The following ABHD18 variants were observed in gnomAD, a reference collection of about 807,000 sequenced individuals.
ABHD18 encodes the protein abhydrolase domain containing 18.
Under a neutral mutation model 65.9 loss-of-function variants are expected in ABHD18, and 55 were observed. The observed-to-expected ratio is 0.84, with a 90% CI of 0.67 to 1.05. The LOEUF (loss-of-function observed/expected upper bound fraction) is 1.05. Among genes scored for constraint, ABHD18 ranks in the 50% least tolerant of loss-of-function variants. The pLI, the probability that ABHD18 is intolerant of heterozygous loss-of-function variation, is 0.00. For missense variants in ABHD18, 533 were observed against 558.5 expected (o/e 0.95, Z 0.46); for synonymous variants, 181 against 180.2 (o/e 1.00, Z -0.04).
intron 1 of ABHD18, among the ~76,000 whole-genome samples, chr4:127,968,726 T>C (rs965270705): frequency 6.6e-6 from 1 of 152,230 alleles, no homozygotes; most frequent in African/African-American, 2.4e-5. Flanking sequence ...TAGCTTGATA[T>C]ATACTTCAAA....
At chr4:128,020,895 G>A (rs529230748) in intron 9 of ABHD18, among the ~76,000 whole-genome samples, 32 of 152,202 alleles carry the variant, frequency 2.1e-4, no homozygotes, top group East Asian at 1.7e-3. Context: ...TTAGCTGGGC[G>A]TGGTGGCACA....
intron 1 of ABHD18, among the ~76,000 whole-genome samples, chr4:127,978,640 A>G (rs1365979163): frequency 1.3e-5 from 2 of 152,218 alleles, no homozygotes; most frequent in Non-Finnish European, 2.9e-5. Context: ...TAAATTGCAT[A>G]CCAATTATTT....
intron 7 of ABHD18, 100 bp from the exon 8 acceptor site, chr4:128,017,263 T>C: frequency 5.3e-6 from 6 of 1,135,312 alleles, no homozygotes; most frequent in Admixed American, 2.3e-5. Context: ...TCTGGTCCTT[T>C]AGAAGAGATG....
chr4:128,030,268 C>T (rs561302466), intron 11 of ABHD18, among the ~76,000 whole-genome samples: 3 of 152,306 alleles, frequency 2.0e-5, no homozygotes, highest in South Asian at 2.1e-4. Flanking sequence ...TAAATATATA[C>T]ACCTACTGTG....
chr4:128,034,605 A>G (rs1758662440), intron 12 of ABHD18, among the ~76,000 whole-genome samples: 1 of 152,082 alleles, frequency 6.6e-6, no homozygotes, highest in Non-Finnish European at 1.5e-5. Flanking sequence ...AAAAAAGAAA[A>G]GAAAAAATAT....
intron 3 of ABHD18, among the ~76,000 whole-genome samples, chr4:127,987,402 ACTTATT>A (rs1229356361): frequency 6.6e-6 from 1 of 151,376 alleles, no homozygotes; most frequent in Non-Finnish European, 1.5e-5. Flanking sequence ...TTATCAAATA[ACTTATT>A]CTTATAAAAT....
At chr4:128,025,457 A>G (rs1213587808) in intron 10 of ABHD18, among the ~76,000 whole-genome samples, 1 of 152,134 alleles carries the variant, frequency 6.6e-6, no homozygotes. Context: ...TTTTTTATGG[A>G]CTATACAAAG....
intron 6 of ABHD18, among the ~76,000 whole-genome samples, chr4:128,011,283 A>G (rs1442699714): frequency 6.6e-6 from 1 of 151,570 alleles, no homozygotes; most frequent in Non-Finnish European, 1.5e-5. Context: ...CGCGTAGCTG[A>G]CACTACAGGC....
In ABHD18 at chr4:128,039,842, C is replaced by T. The variant is rs946047991; in HGVS notation, c.*4029C>T. ...TTATTATGCCCTAAACAAGGTAAGA[C>T]AGAAATAAGCAAGGGAGGCTCTAGC... On this transcript the variant is annotated 3_prime_UTR_variant, in exon 13 of 13. Coordinates refer to ENST00000645843, the MANE Select transcript of ABHD18 (RefSeq NM_001358451.3). 9.9e-5 allele frequency: 15 copies of T among 151,936 alleles called. No homozygotes were observed. Among genetic ancestry groups the T allele is most frequent in the Admixed American group, 9.8e-4 (15 of 15,234 alleles). 9.4% of individuals were successfully genotyped at this position (151,936 alleles called of 1,614,324 possible).
intron 7 of ABHD18, among the ~76,000 whole-genome samples, chr4:128,015,703 C>T (rs1333510975): frequency 6.6e-6 from 1 of 152,078 alleles, no homozygotes; most frequent in African/African-American, 2.4e-5. Flanking sequence ...TTGTTTTTCA[C>T]ACTTGGCATT....
At chr4:127,996,348 C>T (rs1751728703) in intron 4 of ABHD18, among the ~76,000 whole-genome samples, 2 of 152,058 alleles carry the variant, frequency 1.3e-5, no homozygotes, top group Admixed American at 1.3e-4. Flanking sequence ...AGAAATTTTA[C>T]AGCTGGGCCT....
rs1002275312 is a variant in ABHD18, at chr4:128,028,499, G to C, written c.826G>C (p.Glu276Gln). Residue 276 changes from glutamate (E) to glutamine (Q), a missense_variant, in exon 11 of 13, where the codon GAG (glutamate) becomes CAG (glutamine). This residue lies in a region of ABHD18 where 220 missense variants were observed against 226.8 expected (regional missense o/e 0.97). Transcript: ENST00000645843. ...GACAGATTCTTTCAAAATGGGACAA[G>C]AGTTTGTGAAACACTTCACTAGCAG... ...CGTDSFKMGQEFVKHFTSSAD... is the reference protein window; with the variant it reads ...CGTDSFKMGQQFVKHFTSSAD... 1 of 1,576,074 alleles carries C rather than the reference G, an allele frequency of 6.3e-7. No homozygotes were observed. Among genetic ancestry groups the C allele is most frequent in the Non-Finnish European group, 8.6e-7 (1 of 1,164,204 alleles).
At chr4:127,987,741 TAAG>T (rs1414194760) in intron 3 of ABHD18, among the ~76,000 whole-genome samples, 3 of 151,698 alleles carry the variant, frequency 2.0e-5, no homozygotes, top group Non-Finnish European at 4.4e-5. Context: ...AATAAATACA[TAAG>T]AAGAACACTT....
At chr4:128,008,119 A>G (rs1053519064) in intron 4 of ABHD18, among the ~76,000 whole-genome samples, 1 of 151,756 alleles carries the variant, frequency 6.6e-6, no homozygotes, top group Non-Finnish European at 1.5e-5. Flanking sequence ...AAAATTAACC[A>G]GGCGCAGTGG....
At chr4:127,968,925 GACTT>G (rs976290551) in intron 1 of ABHD18, among the ~76,000 whole-genome samples, 7 of 152,048 alleles carry the variant, frequency 4.6e-5, no homozygotes, top group African/African-American at 1.7e-4. Context: ...TGTCTAGAAA[GACTT>G]ACGTGTTTAG....
At chr4:128,027,508 C>T (rs1046527365) in intron 10 of ABHD18, among the ~76,000 whole-genome samples, 2 of 151,788 alleles carry the variant, frequency 1.3e-5, no homozygotes, top group Non-Finnish European at 2.9e-5. Flanking sequence ...CAGATTTAAG[C>T]GATTCTCCTG....
intron 4 of ABHD18, chr4:128,001,679 T>A: frequency 6.5e-7 from 1 of 1,526,976 alleles, no homozygotes; most frequent in Non-Finnish European, 8.8e-7. Context: ...TCCTTCAGAA[T>A]TTAGAAGGTT....
intron 1 of ABHD18, 95 bp from the exon 2 acceptor site, chr4:127,982,844 A>T: frequency 1.6e-6 from 1 of 630,746 alleles, no homozygotes; most frequent in Non-Finnish European, 2.6e-6. Context: ...TCAATCTTTA[A>T]TTTTACATGA....
At position 127,998,281 on chromosome 4, in the gene ABHD18, C is replaced by CTTTT. The variant is rs993883974; in HGVS notation, c.278+8476_278+8479dup. On this transcript the variant is annotated intron_variant, in intron 4 of 12. Coordinates refer to ENST00000645843, the MANE Select transcript of ABHD18 (RefSeq NM_001358451.3). ...CCTTTGTAAATTTTTCAAGACGTTT[C>CTTTT]TTTTTTTTTTTTTTTTTTTGAGATG... Among the ~76,000 whole-genome samples the CTTTT allele has an allele frequency of 1.9e-3, 224 of 119,846 alleles. 1 individual carries two copies. The highest frequency in any genetic ancestry group is 5.0e-3 in the African/African-American group (166 of 33,222). 78.6% of individuals were successfully genotyped at this position (119,846 alleles called of 152,430 possible).
Sources: allele counts gnomAD v4.1 joint callset (sites outside exome capture counted in the v4.1 genomes callset), GRCh38; gene constraint gnomAD v4.1.1; regional missense constraint gnomAD v4.1.1; transcripts MANE v1.5; gene names NCBI Gene and HGNC (gene_info 2026-07-23, HGNC 2026-07-21).